Variants in CPED1 observed in about 807,000 individuals in gnomAD.
CPED1 encodes cadherin like and PC-esterase domain containing 1, also known as cadherin-like and PC-esterase domain-containing protein 1.
CPED1 carries 114 observed loss-of-function variants against 128.2 expected under a neutral mutation model. The observed-to-expected ratio is 0.89, with a 90% CI of 0.76 to 1.04. CPED1 has a LOEUF of 1.04. Ranked by LOEUF, CPED1 falls within the 50% of genes least tolerant of loss-of-function variation. CPED1 has a pLI of 0.00. For synonymous variants in CPED1, 462 were observed against 426.7 expected (o/e 1.08, Z -1.02); for missense variants, 1,211 against 1,207.1 (o/e 1.00, Z -0.05).
chr7:120,994,616 T>C (rs1343140249), intron 2 of CPED1, among the ~76,000 whole-genome samples: 1 of 142,122 alleles, frequency 7.0e-6, no homozygotes, highest in Admixed American at 7.2e-5. Flanking sequence ...ATTCAAAGTA[T>C]TTGTTATACT....
chr7:121,007,487 G>C (rs919010603), intron 2 of CPED1, among the ~76,000 whole-genome samples: 2 of 152,058 alleles, frequency 1.3e-5, no homozygotes, highest in African/African-American at 4.8e-5. Context: ...AATCATGACC[G>C]ATCTATAAGG....
intron 5 of CPED1, among the ~76,000 whole-genome samples, chr7:121,081,455 C>A (rs928270704): frequency 6.6e-6 from 1 of 152,136 alleles, no homozygotes; most frequent in African/African-American, 2.4e-5. Flanking sequence ...CATTCAAATC[C>A]TGTGATTCAT....
chr7:121,205,032 A>C (rs1407741507), intron 16 of CPED1, among the ~76,000 whole-genome samples: 1 of 152,096 alleles, frequency 6.6e-6, no homozygotes, highest in Non-Finnish European at 1.5e-5. Flanking sequence ...GAAAAGACTT[A>C]TCTCTCTGGA....
At chr7:121,222,587 G>T (rs1797907664) in intron 16 of CPED1, among the ~76,000 whole-genome samples, 1 of 152,126 alleles carries the variant, frequency 6.6e-6, no homozygotes, top group South Asian at 2.1e-4. Context: ...TTATCCATGA[G>T]CATGAAATGT....
At chr7:121,003,966 T>A (rs1272688907) in intron 2 of CPED1, among the ~76,000 whole-genome samples, 1 of 152,208 alleles carries the variant, frequency 6.6e-6, no homozygotes, top group Non-Finnish European at 1.5e-5. Context: ...TTATGTGGAA[T>A]GTGGTACCTC....
intron 16 of CPED1, among the ~76,000 whole-genome samples, chr7:121,180,435 C>G (rs191358386): frequency 1.3e-5 from 2 of 152,032 alleles, no homozygotes; most frequent in Admixed American, 1.3e-4. Context: ...TTCTGAGGCT[C>G]TTAGTTTTTC....
intron 18 of CPED1, among the ~76,000 whole-genome samples, chr7:121,245,702 A>AT (rs763119181): frequency 0.13 from 17,884 of 140,800 alleles, 1,566 homozygotes; most frequent in African/African-American, 0.25. Flanking sequence ...CTCCACAGGC[A>AT]TTTTTTTTTT....
At chr7:121,176,774 G>A (rs541075249) in intron 16 of CPED1, among the ~76,000 whole-genome samples, 6 of 152,154 alleles carry the variant, frequency 3.9e-5, no homozygotes, top group Admixed American at 1.3e-4. Flanking sequence ...AAAGAGCTGC[G>A]CTAATATAAC....
intron 5 of CPED1, among the ~76,000 whole-genome samples, chr7:121,078,070 A>G (rs1006034455): frequency 3.3e-5 from 5 of 151,294 alleles, no homozygotes; most frequent in African/African-American, 1.2e-4. Context: ...TGTTTTTGAG[A>G]TGGAGTCTCA....
At chr7:121,112,607 A>G (rs573366605) in intron 7 of CPED1, among the ~76,000 whole-genome samples, 6 of 152,328 alleles carry the variant, frequency 3.9e-5, no homozygotes, top group Non-Finnish European at 7.4e-5. Context: ...AAATTTCTCT[A>G]GTTTTAAATT....
chr7:121,099,402 C>T (rs1050347281), intron 6 of CPED1, among the ~76,000 whole-genome samples: 1 of 152,158 alleles, frequency 6.6e-6, no homozygotes, highest in Non-Finnish European at 1.5e-5. Context: ...AAGTCTTGCT[C>T]TGTTGCCCAA....
chr7:121,271,251 A>C, intron 21 of CPED1, 33 bp from the exon 22 acceptor site: 1 of 1,564,808 alleles, frequency 6.4e-7, no homozygotes, highest in Non-Finnish European at 8.7e-7. Context: ...TCCTCTGGTA[A>C]TAAAAATTCT....
At chr7:120,999,013 C>G (rs1791754508) in intron 2 of CPED1, among the ~76,000 whole-genome samples, 1 of 152,116 alleles carries the variant, frequency 6.6e-6, no homozygotes, top group Middle Eastern at 3.2e-3. Flanking sequence ...GATTGGCTTA[C>G]TGCTACATCC....
At chr7:121,157,547 A>G (rs1006262600) in intron 16 of CPED1, among the ~76,000 whole-genome samples, 4 of 152,144 alleles carry the variant, frequency 2.6e-5, no homozygotes, top group Non-Finnish European at 5.9e-5. Context: ...CTTGTGTTCC[A>G]ATGTCACACT....
In CPED1 at chr7:121,211,320, G is replaced by T. The variant is rs557599249; in HGVS notation, c.2056-25394G>T. Among the ~76,000 whole-genome samples the T allele has an allele frequency of 3.2e-4, 49 of 152,206 alleles. No homozygotes were observed. In the South Asian group the frequency reaches 9.5e-3, roughly 30 times the overall value. On this transcript the variant is annotated intron_variant, in intron 16 of 22. Transcript: ENST00000310396. Reference sequence around the variant, plus strand: ...AGGAACACCTGGGGCAAGGCAGAGGGACTCACTGGGAATCAGTAGTGTCTA... The same window carrying T: ...AGGAACACCTGGGGCAAGGCAGAGGTACTCACTGGGAATCAGTAGTGTCTA...
intron 7 of CPED1, among the ~76,000 whole-genome samples, chr7:121,120,993 A>AAC (rs1795371853): frequency 6.7e-6 from 1 of 149,986 alleles, no homozygotes; most frequent in African/African-American, 2.5e-5. Flanking sequence ...AAAAACAAAA[A>AAC]AACTCACAGT....
At chr7:121,177,538 G>T (rs1033600189) in intron 16 of CPED1, among the ~76,000 whole-genome samples, 3 of 151,974 alleles carry the variant, frequency 2.0e-5, no homozygotes, top group Non-Finnish European at 4.4e-5. Context: ...CCAAGCCAAA[G>T]AAATGCATAT....
intron 16 of CPED1, among the ~76,000 whole-genome samples, chr7:121,175,665 G>C (rs111524124): frequency 2.0e-5 from 3 of 152,050 alleles, no homozygotes; most frequent in Non-Finnish European, 4.4e-5. Context: ...GAATTCAAAT[G>C]GGAATATTTC....
chr7:121,081,984 A>G (rs1253904523), intron 5 of CPED1, among the ~76,000 whole-genome samples: 3 of 152,148 alleles, frequency 2.0e-5, no homozygotes, highest in Non-Finnish European at 4.4e-5. Flanking sequence ...ATTTCTGAGC[A>G]TCTATGAGAA....
Sources: gnomAD v4.1 joint callset for allele counts (sites outside exome capture counted in the v4.1 genomes callset) on GRCh38, gnomAD v4.1.1 for gene constraint, MANE v1.5 for transcripts, NCBI Gene and HGNC (gene_info 2026-07-23, HGNC 2026-07-21) for gene names.